Variants in NUP133 observed in about 807,000 individuals in gnomAD.
NUP133 encodes nuclear pore complex protein Nup133.
NUP133 carries 66 observed loss-of-function variants against 146.2 expected under a neutral mutation model. That is an observed-to-expected ratio of 0.45 (90% CI 0.37 to 0.55). The LOEUF is 0.55. Ranked by LOEUF, NUP133 falls within the 20% of genes least tolerant of loss-of-function variation. The pLI is 0.00. For missense variants in NUP133, 1,277 were observed against 1,374.8 expected (o/e 0.93, Z 1.12); for synonymous variants, 521 against 498.8 (o/e 1.04, Z -0.59).
chr1:229,459,038 T>C (rs927164350), intron 20 of NUP133, among the ~76,000 whole-genome samples: 20 of 152,344 alleles, frequency 1.3e-4, no homozygotes, highest in African/African-American at 4.8e-4. Flanking sequence ...ATTATAATTG[T>C]ATATATTTAT....
Position 229,441,162 on chromosome 1 carries a change from CT to C in NUP133, c.*741del, listed in dbSNP as rs1212422354. 2 of 324,690 alleles carry C rather than the reference CT, an allele frequency of 6.2e-6. No individual in the cohort carries two copies. Among genetic ancestry groups the C allele is most frequent in the African/African-American group, 4.3e-5 (2 of 46,356 alleles). The allele number at this position is 324,690 out of a possible 1,614,324, so 20.1% of individuals were successfully genotyped here. On this transcript the variant is annotated 3_prime_UTR_variant, in exon 26 of 26. Coordinates refer to ENST00000261396, the MANE Select transcript of NUP133 (RefSeq NM_018230.3). ...TCATGCTTTTGACTAGCTAGGCAGA[CT>C]GTGGTAAAGATTCATGAGTCATTCT...
chr1:229,495,013 T>C (rs1210818300), intron 8 of NUP133, among the ~76,000 whole-genome samples: 1 of 152,166 alleles, frequency 6.6e-6, no homozygotes, highest in Non-Finnish European at 1.5e-5. Context: ...AATGCCTCAA[T>C]TTCCCAAATG....
chr1:229,448,828 C>T, intron 24 of NUP133: 1 of 388,020 alleles, frequency 2.6e-6, no homozygotes, highest in East Asian at 5.8e-5. Context: ...TGTGGGAACC[C>T]CAATTTATAG....
chr1:229,470,096 C>T (rs1660919776), intron 15 of NUP133, among the ~76,000 whole-genome samples: 1 of 152,114 alleles, frequency 6.6e-6, no homozygotes, highest in Non-Finnish European at 1.5e-5. Flanking sequence ...GTAGCTCACG[C>T]CTGTAATCCC....
intron 2 of NUP133, among the ~76,000 whole-genome samples, chr1:229,503,107 A>G (rs553084600): frequency 6.4e-4 from 98 of 152,124 alleles, no homozygotes; most frequent in South Asian, 1.0e-3. Flanking sequence ...CTCTACCAAA[A>G]ATAGAAAAAA....
chr1:229,445,471 C>T (rs1417021251), intron 24 of NUP133, among the ~76,000 whole-genome samples: 5 of 152,162 alleles, frequency 3.3e-5, no homozygotes, highest in Non-Finnish European at 7.3e-5. Context: ...CATGCAACCA[C>T]TTTGTGCCTG....
intron 22 of NUP133, among the ~76,000 whole-genome samples, chr1:229,451,404 C>T (rs1174329402): frequency 7.0e-6 from 1 of 142,358 alleles, no homozygotes; most frequent in Non-Finnish European, 1.5e-5. Context: ...GATCTTGTCT[C>T]TAAAAAAAAA....
intron 23 of NUP133, among the ~76,000 whole-genome samples, chr1:229,449,640 G>C (rs1175537474): frequency 4.0e-5 from 6 of 151,268 alleles, no homozygotes; most frequent in African/African-American, 1.2e-4. Flanking sequence ...CAAAGTGCTA[G>C]GATTACAGGT....
chr1:229,460,886 A>AGGAAATTATTG, intron 19 of NUP133, 117 bp from the exon 20 acceptor site: 1 of 761,934 alleles, frequency 1.3e-6, no homozygotes, highest in Non-Finnish European at 2.1e-6. Flanking sequence ...CTAAACAATA[A>AGGAAATTATTG]TTTCCTATAT....
At chr1:229,503,430 C>A (rs925741868) in intron 2 of NUP133, among the ~76,000 whole-genome samples, 20 of 152,166 alleles carry the variant, frequency 1.3e-4, no homozygotes, top group Non-Finnish European at 2.9e-4. Context: ...AATAAGAGCT[C>A]CTTAAAGGAA....
At position 229,500,759 on chromosome 1, in the gene NUP133, A is replaced by C; in HGVS notation, c.510T>G (p.Thr170=). Reference sequence around the variant, plus strand: ...AATAAGCTTTTAAGTCACCTACCTGAGTAGAATGTGCTTCACCTGAGGGAG... The same window carrying C: ...AATAAGCTTTTAAGTCACCTACCTGCGTAGAATGTGCTTCACCTGAGGGAG... The part of the protein sequence containing the change: ...YSSPSGEAHS[T]QAVAVMVATR... Residue 170 remains threonine (T), a synonymous_variant, in exon 4 of 26, where the codon ACT becomes ACG. Transcript: ENST00000261396. The C allele has an allele frequency of 6.2e-7, 1 of 1,601,380 alleles. No individual in the cohort carries two copies. The highest frequency in any genetic ancestry group is 8.5e-7 in the Non-Finnish European group (1 of 1,169,780).
In NUP133 at chr1:229,443,609, T is replaced by A. The variant is rs1660232225; in HGVS notation, c.3334+1305A>T. On this transcript the variant is annotated intron_variant, in intron 25 of 25. Coordinates refer to ENST00000261396, the MANE Select transcript of NUP133 (RefSeq NM_018230.3). ...TTCAGAATCTGTCCTTTAAAAACAC[T>A]ATTGTACATGAAAGCCATATTAAGA... Among the ~76,000 whole-genome samples, 3 of 152,132 alleles carry A rather than the reference T, an allele frequency of 2.0e-5. 1 individual carries two copies. The highest frequency in any genetic ancestry group is 2.4e-5 in the African/African-American group (1 of 41,442).
chr1:229,463,798 GA>G lies in NUP133; in HGVS notation c.2552-123del, dbSNP rs1354884124. On this transcript the variant is annotated intron_variant, in intron 18 of 25. Coordinates refer to ENST00000261396, the MANE Select transcript of NUP133 (RefSeq NM_018230.3). The stretch of plus-strand genomic sequence containing the variant: ...TAAACCAACAATCATTAATGGAATG[GA>G]AACCTTCCCACTTACTGGCACTTAG... The G allele has an allele frequency of 3.7e-6, 4 of 1,069,854 alleles. No homozygotes were observed. In the African/African-American group the frequency reaches 6.6e-5, roughly 18 times the overall value. The allele number at this position is 1,069,854 out of a possible 1,614,324, so 66.3% of individuals were successfully genotyped here.
chr1:229,495,755 TCC>T (rs1661640585), intron 7 of NUP133, 135 bp downstream of exon 7: 2 of 931,424 alleles, frequency 2.1e-6, no homozygotes, highest in Admixed American at 5.8e-5. Context: ...CTAACCCATT[TCC>T]ACTTAATCTG....
intron 9 of NUP133, 47 bp from the exon 10 acceptor site, chr1:229,487,660 A>C: frequency 7.3e-7 from 1 of 1,370,922 alleles, no homozygotes; most frequent in Non-Finnish European, 1.0e-6. Context: ...TAAAACAAAA[A>C]TATTTGTATG....
At position 229,440,961 on chromosome 1, in the gene NUP133, T is replaced by A. The variant is rs1473884127; in HGVS notation, c.*943A>T. ...GCAAGATGGTTAGTGGGCATTCTAC[T>A]GGGCCAAGCCGCGGACATGCCAGCA... is the stretch of plus-strand genomic sequence containing the variant. On this transcript the variant is annotated 3_prime_UTR_variant, in exon 26 of 26. Transcript: ENST00000261396. 1 of 156,838 alleles carries A rather than the reference T, an allele frequency of 6.4e-6. No homozygotes were observed. Among genetic ancestry groups the A allele is most frequent in the Non-Finnish European group, 1.4e-5 (1 of 70,942 alleles). 9.7% of individuals were successfully genotyped at this position (156,838 alleles called of 1,614,324 possible). A position where few individuals can be genotyped will look rare whatever the true frequency, so the allele number is the denominator to read the frequency against.
intron 21 of NUP133, among the ~76,000 whole-genome samples, chr1:229,454,278 G>C (rs1324962371): frequency 6.6e-6 from 1 of 152,184 alleles, no homozygotes; most frequent in Non-Finnish European, 1.5e-5. Context: ...TGAGTTGCAG[G>C]AAAGGGTGAA....
At chr1:229,453,750 C>A (rs1485666528) in intron 21 of NUP133, among the ~76,000 whole-genome samples, 1 of 152,116 alleles carries the variant, frequency 6.6e-6, no homozygotes. Flanking sequence ...TTTAATGCTG[C>A]CTATTTACAT....
rs570005067 is a variant in NUP133, at chr1:229,481,914, C to T, written c.1592+2140G>A. 2.6e-5 allele frequency among the ~76,000 whole-genome samples: 4 copies of T among 152,260 alleles called. No individual in the cohort carries two copies. The South Asian group carries it at 8.3e-4, about 32-fold the overall frequency. ...CCAGAACTGTGAGAGAAGACACTTG[C>T]GTTGTTTGAAGCTCCTGGCTTGTGG... On this transcript the variant is annotated intron_variant, in intron 12 of 25. Transcript: ENST00000261396.
Sources: gnomAD v4.1 joint callset for allele counts (sites outside exome capture counted in the v4.1 genomes callset) on GRCh38, gnomAD v4.1.1 for gene constraint, MANE v1.5 for transcripts, NCBI Gene and HGNC (gene_info 2026-07-23, HGNC 2026-07-21) for gene names.